TANC1: variants seen among roughly 807,000 people sequenced by gnomAD.
TANC1 encodes tetratricopeptide repeat, ankyrin repeat and coiled-coil containing 1, also known as protein TANC1.
Under a neutral mutation model 149.7 loss-of-function variants are expected in TANC1, and 77 were observed. The observed-to-expected ratio is 0.51, with a 90% CI of 0.43 to 0.62. The LOEUF (loss-of-function observed/expected upper bound fraction) is 0.62. Ranked by LOEUF, TANC1 falls within the 20% of genes least tolerant of loss-of-function variation. The pLI is 0.00. For synonymous variants in TANC1, 854 were observed against 925.0 expected (o/e 0.92, Z 1.39); for missense variants, 1,985 against 2,321.8 (o/e 0.85, Z 2.98).
intron 19 of TANC1, among the ~76,000 whole-genome samples, chr2:159,216,150 T>C (rs770294631): frequency 1.3e-5 from 2 of 152,156 alleles, no homozygotes; most frequent in African/African-American, 2.4e-5. Flanking sequence ...CATCTCTCGT[T>C]AATGAGCCTG....
chr2:158,978,182 C>T (rs1331585997), intron 1 of TANC1, among the ~76,000 whole-genome samples: 1 of 152,154 alleles, frequency 6.6e-6, no homozygotes, highest in Non-Finnish European at 1.5e-5. Context: ...ATCTGTTTCT[C>T]CTTTGGGAGA....
intron 13 of TANC1, among the ~76,000 whole-genome samples, chr2:159,177,577 G>T (rs1236540365): frequency 6.6e-6 from 1 of 152,176 alleles, no homozygotes; most frequent in Non-Finnish European, 1.5e-5. Context: ...TTGTCCATCA[G>T]TAGATCATAG....
chr2:159,055,167 TG>T (rs2149615645), intron 2 of TANC1, among the ~76,000 whole-genome samples: 1 of 152,334 alleles, frequency 6.6e-6, no homozygotes, highest in South Asian at 2.1e-4. Context: ...GATTGGGACT[TG>T]GGTTTCCGGT....
chr2:158,974,099 C>T (rs2033298970), intron 1 of TANC1, among the ~76,000 whole-genome samples: 1 of 152,166 alleles, frequency 6.6e-6, no homozygotes, highest in Non-Finnish European at 1.5e-5. Context: ...GTCCTACATA[C>T]GTAGAATACT....
At chr2:159,040,303 C>T (rs1046302782) in intron 2 of TANC1, among the ~76,000 whole-genome samples, 4 of 151,998 alleles carry the variant, frequency 2.6e-5, no homozygotes, top group South Asian at 2.1e-4. Flanking sequence ...TGAATGTTGG[C>T]GTGCCTTGCT....
At chr2:159,114,086 A>G (rs138940288) in intron 4 of TANC1, among the ~76,000 whole-genome samples, 21 of 152,302 alleles carry the variant, frequency 1.4e-4, no homozygotes, top group Admixed American at 1.4e-3. Context: ...TCTTAGTCCT[A>G]TTGTAGCTTT....
At chr2:159,141,917 A>G (rs2051416943) in intron 5 of TANC1, among the ~76,000 whole-genome samples, 1 of 152,214 alleles carries the variant, frequency 6.6e-6, no homozygotes, top group East Asian at 1.9e-4. Context: ...CTTGCAGGAC[A>G]GAGTGCTTGC....
At chr2:159,135,901 A>G (rs1423086687) in intron 4 of TANC1, among the ~76,000 whole-genome samples, 2 of 152,198 alleles carry the variant, frequency 1.3e-5, no homozygotes, top group East Asian at 3.8e-4. Context: ...ACAGCAAGAG[A>G]GCAGCTTTTG....
chr2:159,164,539 C>G (rs1378605368), intron 8 of TANC1, among the ~76,000 whole-genome samples: 3 of 152,066 alleles, frequency 2.0e-5, no homozygotes, highest in Admixed American at 2.0e-4. Context: ...AGCTGTGGGG[C>G]CTGTTTTTAA....
At chr2:159,020,262 T>G (rs935470761) in intron 2 of TANC1, among the ~76,000 whole-genome samples, 27 of 152,026 alleles carry the variant, frequency 1.8e-4, no homozygotes. Context: ...TACAGGCACA[T>G]GCCACCACAC....
chr2:159,076,178 TCCC>T (rs996396800), intron 3 of TANC1, among the ~76,000 whole-genome samples: 1 of 152,208 alleles, frequency 6.6e-6, no homozygotes, highest in Non-Finnish European at 1.5e-5. Flanking sequence ...GTCTTGTTCT[TCCC>T]TTTTCCTAAT....
rs555687251 is a variant in TANC1, at chr2:159,134,865, T to A, written c.260-1329T>A. Among the ~76,000 whole-genome samples the A allele has an allele frequency of 2.0e-5, 3 of 152,298 alleles. No homozygotes were observed. In the South Asian group the frequency reaches 6.2e-4, roughly 32 times the overall value. On this transcript the variant is annotated intron_variant, in intron 4 of 26. Transcript: ENST00000263635. ...TCAAACTCCTGGGCTCAAGTGATCC[T>A]TCTGTGTTGGCCTAAGTGCAAGAAT...
chr2:159,029,651 A>G, intron 2 of TANC1, among the ~76,000 whole-genome samples: 1 of 152,032 alleles, frequency 6.6e-6, no homozygotes, highest in Admixed American at 6.6e-5. Flanking sequence ...ATAATCTTGG[A>G]CTCCTGGGCT....
At chr2:159,223,994 G>A (rs1384285886) in intron 22 of TANC1, among the ~76,000 whole-genome samples, 1 of 152,248 alleles carries the variant, frequency 6.6e-6, no homozygotes, top group Non-Finnish European at 1.5e-5. Context: ...CCCACCTGTG[G>A]TAGCGTGTCC....
intron 1 of TANC1, among the ~76,000 whole-genome samples, chr2:158,976,358 GTACCC>G (rs2033669469): frequency 6.6e-6 from 1 of 152,126 alleles, no homozygotes. Context: ...ATTGACAGTG[GTACCC>G]TCATTCTTAT....
Position 159,169,340 on chromosome 2 carries a change from A to G in TANC1, c.1037A>G (p.Asn346Ser), listed in dbSNP as rs1006765295. 12 of 1,613,892 alleles carry G rather than the reference A, an allele frequency of 7.4e-6. No homozygotes were observed. In the African/African-American group the frequency reaches 1.3e-4, roughly 18 times the overall value. Residue 346 changes from asparagine to serine, a missense_variant, in exon 9 of 27, where the codon AAT (asparagine) becomes AGT (serine). Around this residue, in one of 3 missense-constraint regions of TANC1, gnomAD observed 557 missense variants for 612.9 expected, o/e 0.91. Transcript: ENST00000263635. ...LRTSIRLPWHNTAGGRAQEVK... is the reference protein window; with the variant it reads ...LRTSIRLPWHSTAGGRAQEVK... ...ACGTCAATTAGATTACCATGGCACA[A>G]TACGGCCGGAGGTAGGGCACAGGAA...
chr2:159,093,748 C>T (rs907753873), intron 3 of TANC1, among the ~76,000 whole-genome samples: 2 of 152,080 alleles, frequency 1.3e-5, no homozygotes, highest in African/African-American at 4.8e-5. Context: ...CTCCCCCTCC[C>T]TCTTCTCTTA....
At chr2:159,174,096 G>T (rs927950049) in intron 11 of TANC1, among the ~76,000 whole-genome samples, 4 of 152,182 alleles carry the variant, frequency 2.6e-5, no homozygotes, top group Admixed American at 1.3e-4. Context: ...TGGCACGAGT[G>T]TTTTGCTCTT....
chr2:159,072,366 T>G (rs1387134109), intron 3 of TANC1, among the ~76,000 whole-genome samples: 1 of 152,216 alleles, frequency 6.6e-6, no homozygotes, highest in Non-Finnish European at 1.5e-5. Flanking sequence ...GTCCCTCATG[T>G]ATGTCACAAA....
Sources: gnomAD v4.1 joint callset for allele counts (sites outside exome capture counted in the v4.1 genomes callset) on GRCh38, gnomAD v4.1.1 for gene constraint, gnomAD v4.1.1 regional missense constraint, MANE v1.5 for transcripts, NCBI Gene and HGNC (gene_info 2026-07-23, HGNC 2026-07-21) for gene names.